PALM3: variants seen among roughly 807,000 people sequenced by gnomAD.
PALM3 encodes the protein paralemmin-3.
Under a neutral mutation model 27.9 loss-of-function variants are expected in PALM3, and 20 were observed. That is an observed-to-expected ratio of 0.72 (90% CI 0.50 to 1.04). The LOEUF is 1.04. Among genes scored for constraint, PALM3 ranks in the 50% least tolerant of loss-of-function variants. The pLI, the probability that PALM3 is intolerant of heterozygous loss-of-function variation, is 0.00. For synonymous variants in PALM3, 328 were observed against 352.7 expected (o/e 0.93, Z 0.79); for missense variants, 814 against 869.4 (o/e 0.94, Z 0.80).
At chr19:14,057,287 G>T in intron 3 of PALM3, 64 bp downstream of exon 3, 2 of 1,215,044 alleles carry the variant, frequency 1.6e-6, no homozygotes, top group South Asian at 1.7e-5. Flanking sequence ...CCCCCAAACC[G>T]ACTTGCACAG....
intron 2 of PALM3, among the ~76,000 whole-genome samples, chr19:14,058,632 A>G (rs1365977187): frequency 2.0e-5 from 3 of 151,724 alleles, no homozygotes; most frequent in Non-Finnish European, 4.4e-5. Flanking sequence ...TGGGGTATGT[A>G]AGTGCGTGCG....
Position 14,056,439 on chromosome 19 carries a change from C to G in PALM3, c.389G>C (p.Trp130Ser). 1.9e-6 allele frequency: 3 copies of G among 1,551,296 alleles called. No homozygotes were observed. Among genetic ancestry groups the G allele is most frequent in the Non-Finnish European group, 1.7e-6 (2 of 1,146,670 alleles). The change falls in exon 5 of 7, where the codon TGG (tryptophan) becomes TCG (serine). Residue 130 changes from tryptophan (W) to serine (S), a missense_variant. By Grantham distance (177) the Trp-to-Ser change is radical. Coordinates refer to ENST00000669674, the MANE Select transcript of PALM3 (RefSeq NM_001145028.2). ...TGATTCCCCCCTCACCTGTCTGCGC[C>G]AGCTGGGCCTGCCTGAGGGCTTGTG... ...AQHKPSGRPS[W>S]RRQGHRPLSQ...
In PALM3 at chr19:14,053,769, C is replaced by T. The variant is rs941395907; in HGVS notation, c.1903G>A (p.Glu635Lys). ...AETPAPEQPA[E>K]CQPLLQGEGP... ...TCCCCCTGAAGCAGTGGCTGGCATT[C>T]GGCGGGCTGCTCTGGGGCTGGGGTC... The change falls in exon 7 of 7, where the codon GAA becomes AAA. Residue 635 changes from glutamate to lysine, a missense_variant. Coordinates refer to ENST00000669674, the MANE Select transcript of PALM3 (RefSeq NM_001145028.2). 1.5e-5 allele frequency: 23 copies of T among 1,529,374 alleles called. No homozygotes were observed. In the East Asian group the frequency reaches 2.2e-4, roughly 15 times the overall value. 94.7% of individuals were successfully genotyped at this position (1,529,374 alleles called of 1,614,324 possible).
intron 6 of PALM3, 21 bp from the exon 7 acceptor site, chr19:14,055,247 G>A (rs1976283360): frequency 5.0e-6 from 7 of 1,403,396 alleles, no homozygotes; most frequent in Non-Finnish European, 6.5e-6. Flanking sequence ...CAGAGGTGGA[G>A]GGGAGAGGAC....
intron 1 of PALM3, among the ~76,000 whole-genome samples, chr19:14,060,476 G>A (rs941430763): frequency 1.3e-5 from 2 of 151,896 alleles, no homozygotes; most frequent in South Asian, 2.1e-4. Context: ...TAGCTAGCCC[G>A]TAACACGTGC....
chr19:14,060,061 G>A (rs954749722), intron 1 of PALM3, among the ~76,000 whole-genome samples: 1 of 151,950 alleles, frequency 6.6e-6, no homozygotes, highest in African/African-American at 2.4e-5. Flanking sequence ...CATGCATTGG[G>A]CACCCCTGAC....
At position 14,055,392 on chromosome 19, in the gene PALM3, C is replaced by T; in HGVS notation, c.433G>A (p.Ala145Thr). The change falls in exon 6 of 7, where the codon GCA becomes ACA. Residue 145 changes from alanine (A) to threonine (T), a missense_variant. Ala to Thr is a moderately conservative substitution (Grantham distance 58, BLOSUM62 0). Transcript: ENST00000669674. ...CTCCCACACTTACCTACAGAACCTG[C>T]CTCGACAATGGACTGGGAGAGAGGA... is the stretch of plus-strand genomic sequence containing the variant. ...HRPLSQSIVE[A>T]GSVGQTDLNK... is the part of the protein sequence containing the mutation. 1 of 1,548,964 alleles carries T rather than the reference C, an allele frequency of 6.5e-7. No homozygotes were observed. The highest frequency in any genetic ancestry group is 8.7e-7 in the Non-Finnish European group (1 of 1,146,806).
In PALM3 at chr19:14,054,926, C is replaced by G; in HGVS notation, c.746G>C (p.Gly249Ala). The G allele has an allele frequency of 6.5e-7, 1 of 1,549,418 alleles. No homozygotes were observed. The highest frequency in any genetic ancestry group is 8.7e-7 in the Non-Finnish European group (1 of 1,146,962). The change falls in exon 7 of 7, where the codon GGG becomes GCG. Residue 249 changes from glycine to alanine, a missense_variant. Transcript: ENST00000669674. ...GLRATEDCAT[G>A]ATGPELEAKV... The stretch of plus-strand genomic sequence containing the variant: ...AGCCTCCAGCTCGGGGCCCGTGGCC[C>G]CTGTGGCACAGTCCTCTGTGGCCCT...
At chr19:14,060,937 T>C (rs1283161737) in intron 1 of PALM3, among the ~76,000 whole-genome samples, 1 of 152,078 alleles carries the variant, frequency 6.6e-6, no homozygotes, top group Admixed American at 6.6e-5. Flanking sequence ...ATTTTTGTAT[T>C]TTTAGTACAG....
In PALM3 at chr19:14,054,513, C is replaced by G. The variant is rs1976259233; in HGVS notation, c.1159G>C (p.Gly387Arg). 10 of 1,551,136 alleles carry G rather than the reference C, an allele frequency of 6.4e-6. No homozygotes were observed. The highest frequency in any genetic ancestry group is 1.7e-4 in the Middle Eastern group (1 of 6,010). Reference sequence around the variant, plus strand: ...TCGGCCCCCAGCGGGCTTTCATCTCCTCTCTCCCTCCCTGCCACCTCGGGC... The same window carrying G: ...TCGGCCCCCAGCGGGCTTTCATCTCGTCTCTCCCTCCCTGCCACCTCGGGC... Reference protein sequence around the residue: ...EGPEVAGRERGDESPLGAEGA... With the variant: ...EGPEVAGRERRDESPLGAEGA... The change falls in exon 7 of 7, where the codon GGA (glycine) becomes CGA (arginine). Residue 387 changes from glycine (G) to arginine (R), a missense_variant. Transcript: ENST00000669674.
intron 1 of PALM3, among the ~76,000 whole-genome samples, chr19:14,059,582 T>C (rs1976382099): frequency 6.6e-6 from 1 of 152,132 alleles, no homozygotes; most frequent in Non-Finnish European, 1.5e-5. Context: ...ATAATATGTA[T>C]GATTAATTAT....
intron 3 of PALM3, 142 bp downstream of exon 3, chr19:14,057,209 G>T: frequency 2.6e-6 from 1 of 381,844 alleles, no homozygotes; most frequent in Non-Finnish European, 4.5e-6. Flanking sequence ...ACCCCGCCCC[G>T]GCCAAGCTGG....
chr19:14,062,046 C>A lies in PALM3; in HGVS notation c.-66G>T. On this transcript the variant is annotated 5_prime_UTR_variant, in exon 1 of 7. Transcript: ENST00000669674. ...CCCACCACCCGCTTGCCTGAAGGTG[C>A]CCCGGAGGCTGTGACTTGGCTGCCT... The A allele has an allele frequency of 1.0e-6, 1 of 958,614 alleles. No homozygotes were observed. The highest frequency in any genetic ancestry group is 5.4e-4 in the Middle Eastern group (1 of 1,854). The allele number at this position is 958,614 out of a possible 1,614,324, so 59.4% of individuals were successfully genotyped here.
At position 14,056,745 on chromosome 19, in the gene PALM3, G is replaced by T; in HGVS notation, c.231C>A (p.Ser77=). ...MDGAAAVPEP[S]EDPTSKDPQS... ...GGGGGTCCTTCGAGGTGGGGTCTTC[G>T]GATGGCTCTGGCACTGCAGCTGCCC... is the stretch of plus-strand genomic sequence containing the variant. Residue 77 remains serine (S), a synonymous_variant, in exon 4 of 7, where the codon TCC becomes TCA. Transcript: ENST00000669674. 6.4e-7 allele frequency: 1 copy of T among 1,551,624 alleles called. No individual in the cohort carries two copies. Among genetic ancestry groups the T allele is most frequent in the Middle Eastern group, 1.7e-4 (1 of 5,992 alleles).
rs967614821 is a variant in PALM3 at position 14,062,031 on chromosome 19, G to A, written c.-51C>T. ...TCTCCGAGTTCTGGACCCACCACCC[G>A]CTTGCCTGAAGGTGCCCCGGAGGCT... is the stretch of plus-strand genomic sequence containing the variant. On this transcript the variant is annotated 5_prime_UTR_variant, in exon 1 of 7. Coordinates refer to ENST00000669674, the MANE Select transcript of PALM3 (RefSeq NM_001145028.2). 4 of 980,822 alleles carry A rather than the reference G, an allele frequency of 4.1e-6. No individual in the cohort carries two copies. The highest frequency in any genetic ancestry group is 6.2e-5 in the Admixed American group (1 of 16,254). 60.8% of individuals were successfully genotyped at this position (980,822 alleles called of 1,614,324 possible).
intron 1 of PALM3, among the ~76,000 whole-genome samples, chr19:14,061,304 G>A (rs964933393): frequency 5.3e-5 from 8 of 152,122 alleles, no homozygotes. Flanking sequence ...AGTGTGGGGG[G>A]AAGCCCCTTT....
chr19:14,055,593 C>A (rs1976290705), intron 5 of PALM3, among the ~76,000 whole-genome samples, 168 bp from the exon 6 acceptor site: 1 of 152,072 alleles, frequency 6.6e-6, no homozygotes, highest in Non-Finnish European at 1.5e-5. Flanking sequence ...TCTTATTGCC[C>A]TATGTTCCAG....
In PALM3 at chr19:14,053,724, TG is replaced by T; in HGVS notation, c.1947del (p.Ser650ValfsTer87). 2 of 1,525,102 alleles carry T rather than the reference TG, an allele frequency of 1.3e-6. No homozygotes were observed. Among genetic ancestry groups the T allele is most frequent in the Non-Finnish European group, 1.8e-6 (2 of 1,135,122 alleles). The allele number at this position is 1,525,102 out of a possible 1,614,324, so 94.5% of individuals were successfully genotyped here. On this transcript the variant is annotated frameshift_variant, in exon 7 of 7. Coordinates refer to ENST00000669674, the MANE Select transcript of PALM3 (RefSeq NM_001145028.2). LOFTEE classifies it high-confidence loss of function. ...LLQGEGPSAN[P>X]SAHPVPTYAP... is the part of the protein sequence containing the mutation. The stretch of plus-strand genomic sequence containing the variant: ...GCGTAGGTGGGCACAGGGTGGGCAC[TG>T]GGGTTGGCGCTGGGCCCCTCCCCCT...
At chr19:14,059,235 C>T in intron 1 of PALM3, 72 bp from the exon 2 acceptor site, 3 of 1,370,286 alleles carry the variant, frequency 2.2e-6, no homozygotes, top group Non-Finnish European at 2.9e-6. Flanking sequence ...GATCCCTGAG[C>T]AGTATGGAAA....
Sources: gnomAD v4.1 joint callset for allele counts (sites outside exome capture counted in the v4.1 genomes callset) on GRCh38, gnomAD v4.1.1 for gene constraint, MANE v1.5 for transcripts, NCBI Gene and HGNC (gene_info 2026-07-23, HGNC 2026-07-21) for gene names.